THSD7B: variants seen among roughly 807,000 people sequenced by gnomAD.
THSD7B encodes thrombospondin type-1 domain-containing protein 7B.
In THSD7B, 138 loss-of-function variants were observed where a neutral mutation model predicts 213.6. The observed-to-expected ratio is 0.65, with a 90% confidence interval of 0.56 to 0.74. The LOEUF (loss-of-function observed/expected upper bound fraction) is 0.74. Among genes scored for constraint, THSD7B ranks in the 30% least tolerant of loss-of-function variants. The pLI is 0.00. For synonymous variants in THSD7B, 742 were observed against 687.0 expected (o/e 1.08, Z -1.25); for missense variants, 1,931 against 1,991.5 (o/e 0.97, Z 0.58).
At chr2:137,192,482 G>A (rs1680676595) in intron 7 of THSD7B, among the ~76,000 whole-genome samples, 1 of 152,108 alleles carries the variant, frequency 6.6e-6, no homozygotes, top group Non-Finnish European at 1.5e-5. Context: ...GAAAGCATTG[G>A]TATACTTGTA....
At chr2:136,990,776 TG>T in intron 2 of THSD7B, 1 of 616,916 alleles carries the variant, frequency 1.6e-6, no homozygotes, top group Non-Finnish European at 2.7e-6. Flanking sequence ...TTGTTTGAGA[TG>T]GAGATACTGA....
At chr2:136,912,893 C>T (rs1684289839) in intron 2 of THSD7B, among the ~76,000 whole-genome samples, 1 of 152,138 alleles carries the variant, frequency 6.6e-6, no homozygotes, top group Admixed American at 6.5e-5. Context: ...TGAACTAATA[C>T]AGTAAATTGG....
At chr2:137,339,068 G>A (rs896247386) in intron 12 of THSD7B, among the ~76,000 whole-genome samples, 10 of 152,014 alleles carry the variant, frequency 6.6e-5, no homozygotes, top group Admixed American at 4.6e-4. Context: ...GAGCCTAAAT[G>A]TTCTCTTAGA....
At chr2:136,865,561 T>C (rs1683319224) in intron 1 of THSD7B, among the ~76,000 whole-genome samples, 2 of 152,222 alleles carry the variant, frequency 1.3e-5, no homozygotes, top group African/African-American at 4.8e-5. Flanking sequence ...CAAATGTTTG[T>C]CTCAGTACTA....
intron 15 of THSD7B, among the ~76,000 whole-genome samples, chr2:137,476,723 A>G (rs1274826766): frequency 6.6e-6 from 1 of 152,124 alleles, no homozygotes; most frequent in African/African-American, 2.4e-5. Flanking sequence ...TATTTTTAGT[A>G]GAGACGGGGT....
At chr2:136,781,571 C>T (rs1262436562) in intron 1 of THSD7B, among the ~76,000 whole-genome samples, 3 of 151,904 alleles carry the variant, frequency 2.0e-5, no homozygotes, top group Non-Finnish European at 2.9e-5. Flanking sequence ...TGTGCCTGGC[C>T]GCCTACTTAC....
chr2:137,159,274 G>A (rs1245470716), intron 5 of THSD7B, among the ~76,000 whole-genome samples: 1 of 151,774 alleles, frequency 6.6e-6, no homozygotes, highest in Non-Finnish European at 1.5e-5. Flanking sequence ...TCTACAAAAA[G>A]CAATAGAAAA....
In THSD7B at chr2:137,347,413, G is replaced by C. The variant is rs544633876; in HGVS notation, c.2501-58200G>C. Among the ~76,000 whole-genome samples, 9 of 151,754 alleles carry C rather than the reference G, an allele frequency of 5.9e-5. 1 individual carries two copies. In the South Asian group the frequency reaches 1.9e-3, roughly 31 times the overall value. On this transcript the variant is annotated intron_variant, in intron 12 of 27. Coordinates refer to ENST00000409968, the MANE Select transcript of THSD7B (RefSeq NM_001316349.2). ...TGAAAGGATTAGTATATAATTTATA[G>C]TTATGGAAGATTTGACTTTAACAAC... is the stretch of plus-strand genomic sequence containing the variant.
At chr2:137,308,711 A>G (rs73958840) in intron 12 of THSD7B, among the ~76,000 whole-genome samples, 11,446 of 152,110 alleles carry the variant, frequency 0.075, 633 homozygotes, top group African/African-American at 0.13. Context: ...AAAAAGGTAT[A>G]ATAAAAATTA....
chr2:137,527,312 T>G (rs1378334617), intron 15 of THSD7B, among the ~76,000 whole-genome samples: 1 of 152,134 alleles, frequency 6.6e-6, no homozygotes, highest in Non-Finnish European at 1.5e-5. Context: ...TACATATGTG[T>G]GTGTGCATGT....
chr2:137,011,192 G>A (rs536474151), intron 2 of THSD7B, among the ~76,000 whole-genome samples: 54 of 152,232 alleles, frequency 3.5e-4, no homozygotes, highest in Non-Finnish European at 7.5e-4. Flanking sequence ...CAATGCAATG[G>A]ATCAAACCTG....
intron 15 of THSD7B, among the ~76,000 whole-genome samples, chr2:137,540,413 G>A (rs77120507): frequency 0.17 from 25,296 of 151,504 alleles, 2,254 homozygotes; most frequent in South Asian, 0.28. Flanking sequence ...GAGATTTCTC[G>A]CATTTTAACT....
At chr2:136,881,067 C>T (rs1011950434) in intron 1 of THSD7B, among the ~76,000 whole-genome samples, 1 of 152,170 alleles carries the variant, frequency 6.6e-6, no homozygotes, top group African/African-American at 2.4e-5. Context: ...CGCATTTCAA[C>T]GCCTTGTTGT....
At chr2:137,576,622 T>C (rs1681465651) in intron 17 of THSD7B, among the ~76,000 whole-genome samples, 1 of 152,142 alleles carries the variant, frequency 6.6e-6, no homozygotes. Context: ...ACCTTATTTC[T>C]GTGCTTTATT....
intron 1 of THSD7B, among the ~76,000 whole-genome samples, chr2:136,866,135 G>C (rs914641122): frequency 2.6e-5 from 4 of 152,030 alleles, no homozygotes; most frequent in African/African-American, 9.7e-5. Context: ...GGAAAAAGTG[G>C]GATTTCTTTT....
rs147110759 is a variant in THSD7B, at chr2:137,091,255, T to C, written c.951-3618T>C. Among the ~76,000 whole-genome samples the C allele has an allele frequency of 3.3e-5, 5 of 152,230 alleles. No individual in the cohort carries two copies. The East Asian group carries it at 7.7e-4, about 24-fold the overall frequency. ...GGAGGAAAAGTCAATGTGGGAAGGA[T>C]GAGCAACAGAGAGTGAAAGCTGGTA... is the stretch of plus-strand genomic sequence containing the variant. On this transcript the variant is annotated intron_variant, in intron 3 of 27. Transcript: ENST00000409968.
intron 20 of THSD7B, among the ~76,000 whole-genome samples, chr2:137,627,216 C>T (rs893074491): frequency 6.6e-6 from 1 of 152,180 alleles, no homozygotes; most frequent in Non-Finnish European, 1.5e-5. Context: ...TCACTCTCCC[C>T]CAAGGGAGGG....
chr2:136,956,037 G>GAAAAAAAAAAA (rs397985964), intron 2 of THSD7B, among the ~76,000 whole-genome samples: 1 of 126,660 alleles, frequency 7.9e-6, no homozygotes. Context: ...AAAAAAAAAA[G>GAAAAAAAAAAA]AAAAAAAAAA....
chr2:137,214,823 C>T (rs1681200370), intron 7 of THSD7B, among the ~76,000 whole-genome samples: 1 of 152,108 alleles, frequency 6.6e-6, no homozygotes, highest in Non-Finnish European at 1.5e-5. Flanking sequence ...TTTCTTTATC[C>T]AGTCTATCGC....
Sources: gnomAD v4.1 joint callset for allele counts (sites outside exome capture counted in the v4.1 genomes callset) on GRCh38, gnomAD v4.1.1 for gene constraint, MANE v1.5 for transcripts, NCBI Gene and HGNC (gene_info 2026-07-23, HGNC 2026-07-21) for gene names.